The following DPP8 variants were observed in gnomAD, a reference collection of about 807,000 sequenced individuals.
DPP8 encodes the protein DPP VIII.
A neutral mutation model predicts 107.5 loss-of-function variants in DPP8; 31 were observed. That is an observed-to-expected ratio of 0.29 (90% CI 0.22 to 0.39). DPP8 has a LOEUF of 0.39. Ranked by LOEUF, DPP8 falls within the 10% of genes least tolerant of loss-of-function variation. The pLI is 1.00. For missense variants in DPP8, 842 were observed against 1,076.1 expected, an observed-to-expected ratio of 0.78 and a Z score of 3.04; for synonymous variants, 381 against 356.6, an observed-to-expected ratio of 1.07 and a Z score of -0.77.
intron 12 of DPP8, among the ~76,000 whole-genome samples, chr15:65,473,707 C>A (rs2066123229): frequency 6.6e-6 from 1 of 152,050 alleles, no homozygotes; most frequent in Non-Finnish European, 1.5e-5. Context: ...AATCAGAACA[C>A]ATCTATAAAA....
chr15:65,482,032 GTA>G (rs1199302447), intron 8 of DPP8, among the ~76,000 whole-genome samples: 105 of 150,218 alleles, frequency 7.0e-4, no homozygotes, highest in African/African-American at 2.4e-3. Context: ...GTGTGTGTGT[GTA>G]TATATATATA....
chr15:65,506,758 A>C (rs2070084295), intron 3 of DPP8, among the ~76,000 whole-genome samples: 1 of 149,862 alleles, frequency 6.7e-6, no homozygotes, highest in Non-Finnish European at 1.5e-5. Context: ...TATGTTAAAT[A>C]GTTTTTAATA....
intron 19 of DPP8, 83 bp from the exon 20 acceptor site, chr15:65,447,089 T>A: frequency 9.1e-7 from 1 of 1,092,976 alleles, no homozygotes; most frequent in Non-Finnish European, 1.3e-6. Context: ...CAGAGATTTT[T>A]AACAGGATTA....
intron 15 of DPP8, among the ~76,000 whole-genome samples, chr15:65,462,492 A>T (rs756282097): frequency 4.6e-5 from 7 of 152,158 alleles, no homozygotes; most frequent in Non-Finnish European, 1.0e-4. Context: ...AAAGACTGTA[A>T]TTATATTTTA....
At chr15:65,458,793 G>C (rs1050019677) in intron 15 of DPP8, 2 of 152,034 alleles carry the variant, frequency 1.3e-5, no homozygotes, top group Admixed American at 1.3e-4. Context: ...AGAAAGAACA[G>C]TTTTGACCAC....
At position 65,452,576 on chromosome 15, in the gene DPP8, C is replaced by T. The variant is rs140445780; in HGVS notation, c.2272-474G>A. Reference sequence around the variant, plus strand: ...CTCTATTTTCTTGACAGCTACAAACCTGGGAAAATTATGGAAGTGGTCAGA... The same window carrying T: ...CTCTATTTTCTTGACAGCTACAAACTTGGGAAAATTATGGAAGTGGTCAGA... On this transcript the variant is annotated intron_variant, in intron 17 of 19. Coordinates refer to ENST00000300141, the MANE Select transcript of DPP8 (RefSeq NM_130434.5). 2.4e-3 allele frequency among the ~76,000 whole-genome samples: 360 copies of T among 151,904 alleles called. 2 individuals are homozygous for T. The highest frequency in any genetic ancestry group is 8.3e-3 in the African/African-American group (342 of 41,412).
In DPP8 at chr15:65,444,436, A is replaced by G. The variant is rs920734668; in HGVS notation, c.*2448T>C. On this transcript the variant is annotated 3_prime_UTR_variant, in exon 20 of 20. Coordinates refer to ENST00000300141, the MANE Select transcript of DPP8 (RefSeq NM_130434.5). ...CTCCCACTAAACTGTTGCTACTTTT[A>G]TATATTCTTGCCGTTTAAGCTGTTA... The G allele has an allele frequency of 6.6e-6, 1 of 152,194 alleles. No homozygotes were observed. Among genetic ancestry groups the G allele is most frequent in the African/African-American group, 2.4e-5 (1 of 41,432 alleles). The allele number at this position is 152,194 out of a possible 1,614,324, so 9.4% of individuals were successfully genotyped here. A position where few individuals can be genotyped will look rare whatever the true frequency, so the allele number is the denominator to read the frequency against.
intron 5 of DPP8, among the ~76,000 whole-genome samples, chr15:65,495,097 G>C (rs2068448897): frequency 6.6e-6 from 1 of 152,066 alleles, no homozygotes; most frequent in South Asian, 2.1e-4. Context: ...CCAATCTTTT[G>C]CTACTTCTTG....
At chr15:65,474,345 A>G (rs960278655) in intron 11 of DPP8, 57 bp from the exon 12 acceptor site, 1 of 1,261,354 alleles carries the variant, frequency 7.9e-7, no homozygotes, top group African/African-American at 1.5e-5. Context: ...AGCAAATGAA[A>G]CAATTAAGAA....
intron 11 of DPP8, chr15:65,475,190 G>A (rs978051924): frequency 2.2e-6 from 1 of 446,866 alleles, no homozygotes; most frequent in African/African-American, 2.0e-5. Context: ...GGGCAATGCA[G>A]TGATATTTCT....
chr15:65,456,407 A>G, intron 15 of DPP8, 36 bp from the exon 16 acceptor site: 2 of 1,584,436 alleles, frequency 1.3e-6, no homozygotes, highest in Non-Finnish European at 1.7e-6. Flanking sequence ...TATCATATGG[A>G]AGCATATAAA....
intron 15 of DPP8, among the ~76,000 whole-genome samples, chr15:65,457,792 G>A (rs968881796): frequency 3.3e-5 from 5 of 151,766 alleles, no homozygotes; most frequent in African/African-American, 1.2e-4. Flanking sequence ...AAAGGCACTT[G>A]TATTTATTTA....
At chr15:65,460,954 C>A (rs2064868986) in intron 15 of DPP8, among the ~76,000 whole-genome samples, 1 of 152,164 alleles carries the variant, frequency 6.6e-6, no homozygotes, top group Admixed American at 6.6e-5. Context: ...AGCAATGAAC[C>A]AGGCAGGGTT....
At chr15:65,457,935 T>C (rs1176243672) in intron 15 of DPP8, among the ~76,000 whole-genome samples, 1 of 151,978 alleles carries the variant, frequency 6.6e-6, no homozygotes, top group South Asian at 2.1e-4. Context: ...TGGGATTACA[T>C]GTGTGTGCCA....
At chr15:65,448,865 A>AATATATATATGTGTGTGTGTGTGT (rs2063707812) in intron 19 of DPP8, among the ~76,000 whole-genome samples, 1 of 53,312 alleles carries the variant, frequency 1.9e-5, no homozygotes, top group African/African-American at 6.3e-5. Flanking sequence ...ATATATCTAA[A>AATATATATATGTGTGTGTGTGTGT]ATATATATAT....
chr15:65,480,126 C>T (rs1246546810), intron 10 of DPP8, 96 bp downstream of exon 10: 10 of 1,098,084 alleles, frequency 9.1e-6, no homozygotes, highest in Non-Finnish European at 1.2e-5. Flanking sequence ...TCCCTTTAAA[C>T]TTAAAAAAAA....
intron 11 of DPP8, chr15:65,475,550 C>G: frequency 1.5e-6 from 2 of 1,294,960 alleles, no homozygotes; most frequent in Non-Finnish European, 2.2e-6. Context: ...CAATCCATCC[C>G]CAGGCACTGA....
At position 65,512,567 on chromosome 15, in the gene DPP8, A is replaced by G; in HGVS notation, c.-11-3T>C. 6.2e-7 allele frequency: 1 copy of G among 1,613,984 alleles called. No homozygotes were observed. The highest frequency in any genetic ancestry group is 2.2e-5 in the East Asian group (1 of 44,882). ...TGCTGCTGCCATGTTGCATTTTCCT[A>G]GAAAAACAAGGCACATGAAGCTGTT... On this transcript the variant is annotated splice_region_variant and splice_polypyrimidine_tract_variant and intron_variant, in intron 1 of 19. Coordinates refer to ENST00000300141, the MANE Select transcript of DPP8 (RefSeq NM_130434.5).
intron 15 of DPP8, among the ~76,000 whole-genome samples, chr15:65,457,838 G>A (rs1460198345): frequency 6.6e-6 from 1 of 152,074 alleles, no homozygotes; most frequent in Non-Finnish European, 1.5e-5. Flanking sequence ...CTGTACCCCA[G>A]GCTGGAGTGT....
Sources: allele counts gnomAD v4.1 joint callset (sites outside exome capture counted in the v4.1 genomes callset), GRCh38; gene constraint gnomAD v4.1.1; transcripts MANE v1.5; gene names NCBI Gene and HGNC (gene_info 2026-07-23, HGNC 2026-07-21).